GALNT13: variants seen among roughly 807,000 people sequenced by gnomAD.
The protein encoded by GALNT13 is UDP-GalNAc:polypeptide N-acetylgalactosaminyltransferase 13.
Under a neutral mutation model 64.2 loss-of-function variants are expected in GALNT13, and 28 were observed. The observed-to-expected ratio is 0.44, with a 90% CI of 0.32 to 0.60. The LOEUF (loss-of-function observed/expected upper bound fraction) is 0.60. Among genes scored for constraint, GALNT13 ranks in the 20% least tolerant of loss-of-function variants. GALNT13 has a pLI of 0.05. For missense variants in GALNT13, 577 were observed against 669.8 expected, an observed-to-expected ratio of 0.86 and a Z score of 1.53; for synonymous variants, 214 against 224.6, an observed-to-expected ratio of 0.95 and a Z score of 0.42.
At chr2:153,961,796 A>C (rs1440353221) in intron 3 of GALNT13, among the ~76,000 whole-genome samples, 1 of 152,206 alleles carries the variant, frequency 6.6e-6, no homozygotes, top group East Asian at 1.9e-4. Context: ...TCCACCAATA[A>C]AATGGGAATG....
At chr2:153,607,645 G>C in the GALNT13 span, among the ~76,000 whole-genome samples, 1 of 151,942 alleles carries the variant, frequency 6.6e-6, no homozygotes, top group Non-Finnish European at 1.5e-5. Context: ...AATTTTCATA[G>C]AAAGTACAAA....
chr2:153,769,084 C>A, the GALNT13 span, among the ~76,000 whole-genome samples: 1 of 152,114 alleles, frequency 6.6e-6, no homozygotes, highest in African/African-American at 2.4e-5. Context: ...AGTATTGAGG[C>A]CATTTACCTT....
At chr2:153,472,854 G>A in the GALNT13 span, among the ~76,000 whole-genome samples, 2 of 152,192 alleles carry the variant, frequency 1.3e-5, no homozygotes, top group Non-Finnish European at 2.9e-5. Flanking sequence ...TGTTTGCAAT[G>A]TGACTGAGGA....
chr2:154,246,779 T>C (rs2105879910), intron 7 of GALNT13, among the ~76,000 whole-genome samples: 1 of 152,156 alleles, frequency 6.6e-6, no homozygotes, highest in South Asian at 2.1e-4. Flanking sequence ...ACACTTTAAG[T>C]CCTCACTTAG....
At chr2:153,739,604 A>G in the GALNT13 span, among the ~76,000 whole-genome samples, 1 of 141,224 alleles carries the variant, frequency 7.1e-6, no homozygotes, top group South Asian at 2.2e-4. Flanking sequence ...TTATTTATTT[A>G]TTAAAAATGA....
chr2:154,048,388 AC>A (rs1037999709), intron 3 of GALNT13, among the ~76,000 whole-genome samples: 1 of 151,940 alleles, frequency 6.6e-6, no homozygotes, highest in African/African-American at 2.4e-5. Flanking sequence ...GGGTAAAACT[AC>A]CCCCAGTTGA....
chr2:153,214,660 T>TA, the GALNT13 span, among the ~76,000 whole-genome samples: 5 of 152,148 alleles, frequency 3.3e-5, no homozygotes, highest in African/African-American at 1.2e-4. Flanking sequence ...AACTGGGACT[T>TA]AAACATTTAC....
intron 3 of GALNT13, among the ~76,000 whole-genome samples, chr2:154,074,517 A>G (rs1007982356): frequency 6.6e-6 from 1 of 151,932 alleles, no homozygotes; most frequent in African/African-American, 2.4e-5. Context: ...GAATTTTGGT[A>G]ACTTTACTGC....
the GALNT13 span, among the ~76,000 whole-genome samples, chr2:153,737,628 C>T: frequency 1.3e-5 from 2 of 151,950 alleles, no homozygotes; most frequent in Non-Finnish European, 1.5e-5. Context: ...AATTCTATTT[C>T]GATATCTCCT....
chr2:153,566,998 A>T, the GALNT13 span, among the ~76,000 whole-genome samples: 1 of 152,186 alleles, frequency 6.6e-6, no homozygotes, highest in Non-Finnish European at 1.5e-5. Flanking sequence ...GTGAGAATTC[A>T]AACTCCATAA....
At chr2:153,217,294 A>G in the GALNT13 span, among the ~76,000 whole-genome samples, 2 of 152,030 alleles carry the variant, frequency 1.3e-5, no homozygotes, top group East Asian at 1.9e-4. Flanking sequence ...TTGAATTTAC[A>G]TATGCATTTA....
chr2:154,189,472 CAA>C lies in GALNT13; in HGVS notation c.311+48988_311+48989del, dbSNP rs35557058. Among the ~76,000 whole-genome samples the C allele has an allele frequency of 7.8e-3, 635 of 81,382 alleles. 7 individuals carry two copies. Among genetic ancestry groups the C allele is most frequent in the African/African-American group, 0.026 (545 of 21,086 alleles). The allele number at this position is 81,382 out of a possible 152,430, so 53.4% of individuals were successfully genotyped here. The stretch of plus-strand genomic sequence containing the variant: ...ACTTTCTCTCTTCTCACGTGCACAC[CAA>C]AAAAAAAAAAAAAAAAAAAAGGCGT... On this transcript the variant is annotated intron_variant, in intron 4 of 12. Transcript: ENST00000392825.
the GALNT13 span, among the ~76,000 whole-genome samples, chr2:153,400,445 G>C: frequency 6.6e-6 from 1 of 152,208 alleles, no homozygotes; most frequent in Admixed American, 6.5e-5. Flanking sequence ...CTCATAAAAT[G>C]AGTTAGGGAG....
In GALNT13 at chr2:154,396,131, G is replaced by A; in HGVS notation, c.1296+1G>A. On this transcript the variant is annotated splice_donor_variant, in intron 10 of 12. Transcript: ENST00000392825. LOFTEE classifies it high-confidence loss of function. Reference sequence around the variant, plus strand: ...AAGACGTTATTACTCACTTGGTGAGGTATGAATTATTTATTTTGGTTAAGT... The same window carrying A: ...AAGACGTTATTACTCACTTGGTGAGATATGAATTATTTATTTTGGTTAAGT... The A allele has an allele frequency of 1.3e-6, 2 of 1,576,008 alleles. No individual in the cohort carries two copies. The highest frequency in any genetic ancestry group is 1.2e-5 in the South Asian group (1 of 84,010).
the GALNT13 span, among the ~76,000 whole-genome samples, chr2:153,533,407 A>G: frequency 1.4e-4 from 22 of 152,046 alleles, no homozygotes; most frequent in East Asian, 3.3e-3. Flanking sequence ...AACTGCCACC[A>G]CGTCCAGCTA....
At chr2:153,183,883 A>G in the GALNT13 span, among the ~76,000 whole-genome samples, 1 of 152,116 alleles carries the variant, frequency 6.6e-6, no homozygotes, top group Non-Finnish European at 1.5e-5. Context: ...CTTGTAGTAT[A>G]TAGTTTGAAT....
the GALNT13 span, among the ~76,000 whole-genome samples, chr2:153,257,956 T>C: frequency 6.6e-6 from 1 of 152,268 alleles, no homozygotes; most frequent in East Asian, 1.9e-4. Context: ...TGTACAAGGT[T>C]CCTGACCTGT....
intron 3 of GALNT13, among the ~76,000 whole-genome samples, chr2:153,951,741 T>C (rs530346802): frequency 1.6e-3 from 248 of 152,254 alleles, no homozygotes; most frequent in Admixed American, 1.8e-3. Context: ...GGCTATATCC[T>C]TAAACTCTAA....
chr2:154,114,523 G>T (rs1281241427), intron 3 of GALNT13, among the ~76,000 whole-genome samples: 1 of 152,148 alleles, frequency 6.6e-6, no homozygotes, highest in East Asian at 1.9e-4. Flanking sequence ...TTCACCAGAA[G>T]TCTCCTTGGG....
Sources: gnomAD v4.1 joint callset for allele counts (sites outside exome capture counted in the v4.1 genomes callset) on GRCh38, gnomAD v4.1.1 for gene constraint, MANE v1.5 for transcripts, NCBI Gene and HGNC (gene_info 2026-07-23, HGNC 2026-07-21) for gene names.